Variants in FGGY observed in about 807,000 individuals in gnomAD.
FGGY encodes the protein FGGY carbohydrate kinase domain containing.
In FGGY, 72 loss-of-function variants were observed where a neutral mutation model predicts 71.3. The observed-to-expected ratio is 1.01, with a 90% CI of 0.84 to 1.23. FGGY has a LOEUF of 1.23. FGGY is among the 50% of genes most tolerant of loss of function. FGGY has a pLI of 0.00. For missense variants in FGGY, 668 were observed against 682.3 expected, an observed-to-expected ratio of 0.98 and a Z score of 0.23; for synonymous variants, 251 against 250.3, an observed-to-expected ratio of 1.00 and a Z score of -0.02.
intron 5 of FGGY, among the ~76,000 whole-genome samples, chr1:59,411,535 G>A (rs2063601001): frequency 6.6e-6 from 1 of 152,120 alleles, no homozygotes; most frequent in Non-Finnish European, 1.5e-5. Context: ...AGCAACTATT[G>A]TAAATTCTTG....
rs144603868 is a variant in FGGY, at chr1:59,760,710, T to G, written c.1575-1793T>G. ...TAACCACAAAAAGACAAATACTGCA[T>G]GATTCCACCTATGTAAAGAATAAGG... On this transcript the variant is annotated intron_variant, in intron 15 of 15. Coordinates refer to ENST00000303721, the MANE Select transcript of FGGY (RefSeq NM_018291.5). Among the ~76,000 whole-genome samples, 879 of 152,340 alleles carry G rather than the reference T, an allele frequency of 5.8e-3. 9 individuals are homozygous for G. The highest frequency in any genetic ancestry group is 0.02 in the African/African-American group (834 of 41,584).
chr1:59,344,160 T>C (rs2051286865), intron 3 of FGGY, among the ~76,000 whole-genome samples: 1 of 152,206 alleles, frequency 6.6e-6, no homozygotes, highest in African/African-American at 2.4e-5. Flanking sequence ...AGGTCCCATG[T>C]ACTCTGTATT....
intron 4 of FGGY, among the ~76,000 whole-genome samples, chr1:59,347,785 C>T (rs2052388134): frequency 6.6e-6 from 1 of 152,098 alleles, no homozygotes; most frequent in African/African-American, 2.4e-5. Flanking sequence ...CCCTTCCTTA[C>T]ACCTTATACA....
intron 8 of FGGY, among the ~76,000 whole-genome samples, chr1:59,559,920 GATTCCAAATAATTTATAT>G (rs1468337652): frequency 6.6e-6 from 1 of 152,114 alleles, no homozygotes; most frequent in Non-Finnish European, 1.5e-5. Context: ...CATGCAGAAA[GATTCCAAATAATTTATAT>G]AAATGTTCCA....
intron 14 of FGGY, among the ~76,000 whole-genome samples, chr1:59,682,114 C>T (rs1426676466): frequency 6.6e-6 from 1 of 152,008 alleles, no homozygotes; most frequent in Admixed American, 6.6e-5. Context: ...AAGACATTTT[C>T]TATAATATTA....
intron 14 of FGGY, among the ~76,000 whole-genome samples, chr1:59,716,234 G>A (rs1306239226): frequency 2.0e-5 from 3 of 152,136 alleles, no homozygotes; most frequent in African/African-American, 7.2e-5. Context: ...ATAGTACCTA[G>A]CACACAGGAG....
At chr1:59,645,893 T>C (rs1443775890) in intron 11 of FGGY, among the ~76,000 whole-genome samples, 1 of 152,246 alleles carries the variant, frequency 6.6e-6, no homozygotes, top group Non-Finnish European at 1.5e-5. Context: ...TTTGAAGAGC[T>C]GTGACTTCTA....
chr1:59,754,119 T>G (rs2098270131), intron 14 of FGGY, among the ~76,000 whole-genome samples: 1 of 152,204 alleles, frequency 6.6e-6, no homozygotes, highest in Non-Finnish European at 1.5e-5. Context: ...TCCTCTGAAA[T>G]GGTTAGAAAG....
In FGGY at chr1:59,653,835, C is replaced by T. The variant is rs74086274; in HGVS notation, c.1222-6384C>T. Among the ~76,000 whole-genome samples, 541 of 152,296 alleles carry T rather than the reference C, an allele frequency of 3.6e-3. 4 individuals carry two copies. Among genetic ancestry groups the T allele is most frequent in the African/African-American group, 0.012 (517 of 41,568 alleles). On this transcript the variant is annotated intron_variant, in intron 11 of 15. Coordinates refer to ENST00000303721, the MANE Select transcript of FGGY (RefSeq NM_018291.5). ...GTCAAATCTTTCTCATGCTTTGAAC[C>T]ACTCCGATTTCTATTTCTGCTTCAT...
chr1:59,371,055 A>G (rs2057531042), intron 4 of FGGY, among the ~76,000 whole-genome samples: 1 of 152,082 alleles, frequency 6.6e-6, no homozygotes, highest in African/African-American at 2.4e-5. Flanking sequence ...CACACATAAC[A>G]ATATTAACTT....
At chr1:59,529,667 C>T (rs916907114) in intron 7 of FGGY, among the ~76,000 whole-genome samples, 1 of 152,064 alleles carries the variant, frequency 6.6e-6, no homozygotes, top group African/African-American at 2.4e-5. Context: ...ATCTGAGTAC[C>T]GTTTTGGAGT....
chr1:59,443,789 T>A (rs933955024), intron 5 of FGGY, among the ~76,000 whole-genome samples: 1 of 152,328 alleles, frequency 6.6e-6, no homozygotes, highest in South Asian at 2.1e-4. Context: ...GTTTTCTGTC[T>A]CTTCTGAGTG....
intron 6 of FGGY, among the ~76,000 whole-genome samples, chr1:59,496,725 A>G (rs1243735319): frequency 6.6e-6 from 1 of 152,140 alleles, no homozygotes; most frequent in East Asian, 1.9e-4. Flanking sequence ...AATAAATAAA[A>G]TGTGGTTACT....
intron 5 of FGGY, among the ~76,000 whole-genome samples, chr1:59,444,580 G>A (rs1046160745): frequency 6.6e-6 from 1 of 152,146 alleles, no homozygotes; most frequent in African/African-American, 2.4e-5. Context: ...TCTGTAGCCT[G>A]TTAGGAATCT....
chr1:59,364,264 G>A (rs544577369), intron 4 of FGGY, among the ~76,000 whole-genome samples: 3 of 152,304 alleles, frequency 2.0e-5, no homozygotes, highest in African/African-American at 7.2e-5. Context: ...GCCAGGAAGT[G>A]AATGAATCCA....
intron 1 of FGGY, among the ~76,000 whole-genome samples, chr1:59,306,337 G>A (rs754607347): frequency 6.6e-6 from 1 of 152,146 alleles, no homozygotes; most frequent in Non-Finnish European, 1.5e-5. Flanking sequence ...GCATGGTGAA[G>A]GAAGTATATC....
In FGGY at chr1:59,637,213, G is replaced by T. The variant is rs957201122; in HGVS notation, c.1074-1015G>T. Among the ~76,000 whole-genome samples the T allele has an allele frequency of 2.6e-5, 4 of 152,164 alleles. No homozygotes were observed. In the East Asian group the frequency reaches 7.7e-4, roughly 29 times the overall value. On this transcript the variant is annotated intron_variant, in intron 10 of 15. Coordinates refer to ENST00000303721, the MANE Select transcript of FGGY (RefSeq NM_018291.5). The stretch of plus-strand genomic sequence containing the variant: ...ACCGAGCTAGGAGAGGTAGTATCAA[G>T]ATTTGAACTGAGTAGTGCTCTCATG...
intron 2 of FGGY, among the ~76,000 whole-genome samples, chr1:59,331,284 C>T (rs2048423791): frequency 6.6e-6 from 1 of 152,114 alleles, no homozygotes; most frequent in African/African-American, 2.4e-5. Context: ...CATCAAATGG[C>T]AATACCATAC....
chr1:59,298,603 A>C (rs2042311596), intron 1 of FGGY, among the ~76,000 whole-genome samples: 1 of 152,190 alleles, frequency 6.6e-6, no homozygotes. Flanking sequence ...ATTAGTTTAA[A>C]TAGTTCCCTT....
Sources: allele counts gnomAD v4.1 joint callset (sites outside exome capture counted in the v4.1 genomes callset), GRCh38; gene constraint gnomAD v4.1.1; transcripts MANE v1.5; gene names NCBI Gene and HGNC (gene_info 2026-07-23, HGNC 2026-07-21).